The following NDUFA10 variants were observed in gnomAD, a reference collection of about 807,000 sequenced individuals.
The protein encoded by NDUFA10 is NADH dehydrogenase [ubiquinone] 1 alpha subcomplex subunit 10, mitochondrial.
Under a neutral mutation model 47.8 loss-of-function variants are expected in NDUFA10, and 40 were observed. That is an observed-to-expected ratio of 0.84 (90% CI 0.65 to 1.09). The LOEUF (loss-of-function observed/expected upper bound fraction) is 1.09, where lower values mean the gene tolerates loss of function less well. Among genes scored for constraint, NDUFA10 ranks in the 50% least tolerant of loss-of-function variants. NDUFA10 has a pLI of 0.00. For missense variants in NDUFA10, 413 were observed against 451.1 expected, an observed-to-expected ratio of 0.92 and a Z score of 0.76; for synonymous variants, 183 against 172.2, an observed-to-expected ratio of 1.06 and a Z score of -0.49.
Position 239,960,240 on chromosome 2 carries a change from C to T in NDUFA10, c.*878G>A, listed in dbSNP as rs958381569. On this transcript the variant is annotated 3_prime_UTR_variant, in exon 10 of 10. Coordinates refer to ENST00000252711, the MANE Select transcript of NDUFA10 (RefSeq NM_004544.4). Reference sequence around the variant, plus strand: ...GTTCAGTAGGACTCACAACTGACAGCTTGATTCCTAAACCATGATGCTGAA... The same window carrying T: ...GTTCAGTAGGACTCACAACTGACAGTTTGATTCCTAAACCATGATGCTGAA... 7.1e-6 allele frequency: 7 copies of T among 985,388 alleles called. No homozygotes were observed. The highest frequency in any genetic ancestry group is 7.0e-5 in the African/African-American group (4 of 57,214). 61.0% of individuals were successfully genotyped at this position (985,388 alleles called of 1,614,324 possible).
At chr2:239,968,118 C>T (rs938054727) in intron 9 of NDUFA10, among the ~76,000 whole-genome samples, 2 of 152,026 alleles carry the variant, frequency 1.3e-5, no homozygotes, top group African/African-American at 2.4e-5. Flanking sequence ...CTAGAAAAAC[C>T]TAGAAATGAG....
chr2:239,953,904 G>A (rs1196386297), downstream of NDUFA10, among the ~76,000 whole-genome samples: 1 of 152,230 alleles, frequency 6.6e-6, no homozygotes, highest in Non-Finnish European at 1.5e-5. Flanking sequence ...CGCCCCCGCC[G>A]CCTCAGGGCT....
At chr2:239,907,947 T>C (rs560466994) in intron 4 of NDUFA10, among the ~76,000 whole-genome samples, 3 of 152,246 alleles carry the variant, frequency 2.0e-5, no homozygotes, top group Non-Finnish European at 4.4e-5. Flanking sequence ...CACATGCACA[T>C]GTATGTTTAT....
rs1015745599 is a variant in NDUFA10 at position 239,928,283 on chromosome 2, T to G, written c.295-32969A>C. Among the ~76,000 whole-genome samples, 1 of 152,180 alleles carries G rather than the reference T, an allele frequency of 6.6e-6. No individual in the cohort carries two copies. The highest frequency in any genetic ancestry group is 1.5e-5 in the Non-Finnish European group (1 of 68,038). On this transcript the variant is annotated intron_variant, in intron 4 of 5. Coordinates refer to the NDUFA10 transcript ENST00000419408. This position sits in a 1 kb window ranked among gnomAD's most constrained non-coding sequence, Gnocchi z 4.3. ...AACAGAAGAAAATGTATACCTCAAC[T>G]GCTTTCATGTTTTCCAAGAAATAAA...
At chr2:239,930,515 TG>T (rs1694148792) in intron 4 of NDUFA10, among the ~76,000 whole-genome samples, 1 of 151,712 alleles carries the variant, frequency 6.6e-6, no homozygotes, top group African/African-American at 2.4e-5. Flanking sequence ...CTGCAGGCAG[TG>T]GCTCCAGTCC....
Position 239,959,436 on chromosome 2 carries a change from C to T in NDUFA10, c.*1682G>A. 3 of 985,488 alleles carry T rather than the reference C, an allele frequency of 3.0e-6. No individual in the cohort carries two copies. The highest frequency in any genetic ancestry group is 3.6e-6 in the Non-Finnish European group (3 of 829,946). The allele number at this position is 985,488 out of a possible 1,614,324, so 61.0% of individuals were successfully genotyped here. ...GATGGCTTTCTTTTTCTTTCCTCCC[C>T]TCCACAATGGGTTTGTGAAGTGCTC... On this transcript the variant is annotated 3_prime_UTR_variant, in exon 10 of 10. Coordinates refer to ENST00000252711, the MANE Select transcript of NDUFA10 (RefSeq NM_004544.4).
intron 9 of NDUFA10, among the ~76,000 whole-genome samples, chr2:239,976,222 G>A (rs533493835): frequency 5.3e-5 from 8 of 152,214 alleles, no homozygotes; most frequent in East Asian, 1.9e-4. Context: ...TGAACTCCTC[G>A]GGTTAATCTC....
intron 4 of NDUFA10, among the ~76,000 whole-genome samples, chr2:239,910,460 G>A (rs1289842263): frequency 6.6e-6 from 1 of 152,136 alleles, no homozygotes; most frequent in Admixed American, 6.5e-5. Context: ...TCAAACTAAT[G>A]CAGGAACAGA....
chr2:239,915,445 CAGAG>C (rs571620068), intron 4 of NDUFA10, among the ~76,000 whole-genome samples: 4 of 145,442 alleles, frequency 2.8e-5, no homozygotes, highest in Admixed American at 6.7e-5. Context: ...GACACACACA[CAGAG>C]AGACAGAGAT....
chr2:240,015,970 A>G (rs1021668004), intron 4 of NDUFA10, among the ~76,000 whole-genome samples: 36 of 152,252 alleles, frequency 2.4e-4, no homozygotes, highest in Admixed American at 1.9e-3. Context: ...CAGCCTGAGC[A>G]GCATGGTGAA....
chr2:239,917,982 G>A (rs1178723968), intron 4 of NDUFA10, among the ~76,000 whole-genome samples: 1 of 152,078 alleles, frequency 6.6e-6, no homozygotes, highest in African/African-American at 2.4e-5. Context: ...GAGCCACAGA[G>A]CCAGTCATGG....
rs148419027 is a variant in NDUFA10, at chr2:240,005,056, A to G, written c.890+154T>C. ...AATAAATTAAGTATCAGACCAGGGGATTCAGGAGCTGTTTGGAAGAAAAAA... is the reference window on the plus strand; with the variant it reads ...AATAAATTAAGTATCAGACCAGGGGGTTCAGGAGCTGTTTGGAAGAAAAAA... On this transcript the variant is annotated intron_variant, in intron 8 of 9. Transcript: ENST00000252711. Among the ~76,000 whole-genome samples, 121 of 152,292 alleles carry G rather than the reference A, an allele frequency of 7.9e-4. 2 individuals are homozygous for G. The South Asian group carries it at 0.014, about 17-fold the overall frequency.
chr2:239,961,190 TG>T lies in NDUFA10; in HGVS notation c.1000-5del, dbSNP rs138479490. The T allele has an allele frequency of 0.33, 525,340 of 1,613,652 alleles. 89,212 individuals carry two copies. Among genetic ancestry groups the T allele is most frequent in the East Asian group, 0.35 (15,851 of 44,838 alleles). On this transcript the variant is annotated splice_polypyrimidine_tract_variant and splice_region_variant and intron_variant, in intron 9 of 9. Transcript: ENST00000252711. ...GGCTGTACTTGCGGCCCGGCAGCTG[TG>T]GGGGAAAAAGGCATTGGTGCATTCT...
intron 4 of NDUFA10, among the ~76,000 whole-genome samples, chr2:239,921,295 A>C (rs1430463673): frequency 5.4e-5 from 7 of 130,276 alleles, no homozygotes; most frequent in African/African-American, 1.8e-4. Context: ...GACCTTTGCC[A>C]TGAGTGTTAT....
rs1694713063 is a variant in NDUFA10, at chr2:239,958,159, A to G, written c.*2959T>C. ...GATGCCTACACAAGCTTTTCTTCAA[A>G]AAGCCCCAATTTCTGACAGCCATGG... is the stretch of plus-strand genomic sequence containing the variant. On this transcript the variant is annotated 3_prime_UTR_variant, in exon 10 of 10. Coordinates refer to ENST00000252711, the MANE Select transcript of NDUFA10 (RefSeq NM_004544.4). 6.6e-6 allele frequency: 1 copy of G among 152,010 alleles called. No individual in the cohort carries two copies. Among genetic ancestry groups the G allele is most frequent in the African/African-American group, 2.4e-5 (1 of 41,366 alleles). 9.4% of individuals were successfully genotyped at this position (152,010 alleles called of 1,614,324 possible).
intron 9 of NDUFA10, among the ~76,000 whole-genome samples, chr2:239,961,502 C>A (rs10206993): frequency 0.3 from 46,040 of 152,036 alleles, 7,480 homozygotes; most frequent in East Asian, 0.42. Flanking sequence ...CAATGGGTGG[C>A]ACTTAGGGGA....
At chr2:239,921,121 G>T (rs1049501909) in intron 4 of NDUFA10, among the ~76,000 whole-genome samples, 2 of 152,014 alleles carry the variant, frequency 1.3e-5, no homozygotes, top group Admixed American at 1.3e-4. Flanking sequence ...ATGGTGGCTC[G>T]AACCTAAGGA....
intron 4 of NDUFA10, among the ~76,000 whole-genome samples, chr2:239,901,871 C>T (rs1457635169): frequency 6.6e-6 from 1 of 152,078 alleles, no homozygotes; most frequent in Non-Finnish European, 1.5e-5. Flanking sequence ...GAGGAAGCAA[C>T]TGCAGATGTA....
At position 239,961,204 on chromosome 2, in the gene NDUFA10, A is replaced by C; in HGVS notation, c.1000-18T>G. ...CCCGGCAGCTGTGGGGGAAAAAGGC[A>C]TTGGTGCATTCTGTTTAACGTGAAT... On this transcript the variant is annotated intron_variant, in intron 9 of 9. Transcript: ENST00000252711. 6.2e-7 allele frequency: 1 copy of C among 1,614,096 alleles called. No homozygotes were observed. The highest frequency in any genetic ancestry group is 1.1e-5 in the South Asian group (1 of 91,086).
Sources: gnomAD v4.1 joint callset for allele counts (sites outside exome capture counted in the v4.1 genomes callset) on GRCh38, gnomAD v4.1.1 for gene constraint, Gnocchi (gnomAD v3.1) non-coding constraint, MANE v1.5 for transcripts, NCBI Gene and HGNC (gene_info 2026-07-23, HGNC 2026-07-21) for gene names.